SYN2: variants seen among roughly 807,000 people sequenced by gnomAD.
SYN2 encodes the protein synapsin II.
In SYN2, 19 loss-of-function variants were observed where a neutral mutation model predicts 50.9. The ratio of observed to expected loss-of-function variants is 0.37; its 90% CI spans 0.26 to 0.55. The LOEUF (loss-of-function observed/expected upper bound fraction) is 0.55, where lower values mean the gene tolerates loss of function less well. Ranked by LOEUF, SYN2 falls within the 20% of genes least tolerant of loss-of-function variation. The probability of loss-of-function intolerance (pLI) is 0.81; values close to 1 mark genes in which losing one functional copy is unlikely to be tolerated. For missense variants in SYN2, 587 were observed against 576.4 expected, an observed-to-expected ratio of 1.02 and a Z score of -0.19; for synonymous variants, 255 against 224.9, an observed-to-expected ratio of 1.13 and a Z score of -1.20.
intron 1 of SYN2, among the ~76,000 whole-genome samples, chr3:12,115,380 AC>A (rs1366954460): frequency 6.6e-6 from 1 of 152,170 alleles, no homozygotes; most frequent in African/African-American, 2.4e-5. Context: ...AGTAAAATCA[AC>A]TTTTGAGGGA....
At chr3:12,039,711 G>T (rs564283140) in intron 1 of SYN2, among the ~76,000 whole-genome samples, 1 of 152,138 alleles carries the variant, frequency 6.6e-6, no homozygotes, top group Admixed American at 6.5e-5. Flanking sequence ...TGTAGTAACA[G>T]AATTGGTCCT....
chr3:12,087,931 C>T (rs75496417), intron 1 of SYN2, among the ~76,000 whole-genome samples: 1 of 151,692 alleles, frequency 6.6e-6, no homozygotes, highest in East Asian at 1.9e-4. Context: ...AAAAAAACCC[C>T]TCAAAATGAA....
At chr3:12,039,372 ATACAAGGTCCCTCATGT>A (rs1694563373) in intron 1 of SYN2, among the ~76,000 whole-genome samples, 1 of 152,096 alleles carries the variant, frequency 6.6e-6, no homozygotes, top group African/African-American at 2.4e-5. Flanking sequence ...ACAGAGGGAA[ATACAAGGTCCCTCATGT>A]TATTTCACCA....
chr3:12,190,113 G>A (rs1263420434), intron 12 of SYN2, among the ~76,000 whole-genome samples: 1 of 152,228 alleles, frequency 6.6e-6, no homozygotes, highest in Non-Finnish European at 1.5e-5. Context: ...CTTTTCATCA[G>A]AAAAGTAATG....
chr3:12,184,214 T>C lies in SYN2; in HGVS notation c.1369+842T>C. ...TATTATTAACTAATTAACTATGAGA[T>C]TTTTAAAAAATGGGGCCGCTGATGT... On this transcript the variant is annotated intron_variant, in intron 11 of 12. Coordinates refer to ENST00000621198, the MANE Select transcript of SYN2 (RefSeq NM_133625.6). 4 of 985,896 alleles carry C rather than the reference T, an allele frequency of 4.1e-6. No individual in the cohort carries two copies. In the South Asian group the frequency reaches 1.9e-4, roughly 46 times the overall value. The allele number at this position is 985,896 out of a possible 1,614,324, so 61.1% of individuals were successfully genotyped here. A position where few individuals can be genotyped will look rare whatever the true frequency, so the allele number is the denominator to read the frequency against.
intron 1 of SYN2, among the ~76,000 whole-genome samples, chr3:12,052,496 A>T (rs1385926877): frequency 6.6e-6 from 1 of 152,216 alleles, no homozygotes; most frequent in Admixed American, 6.5e-5. Flanking sequence ...TGACTGTTAG[A>T]ATTGGGCAAG....
intron 4 of SYN2, 110 bp from the exon 5 acceptor site, chr3:12,151,127 G>C (rs7652520): frequency 0.071 from 52,676 of 746,468 alleles, 2,480 homozygotes; most frequent in African/African-American, 0.19. Flanking sequence ...ACAATGCTTA[G>C]CATAAAGTCC....
intron 1 of SYN2, among the ~76,000 whole-genome samples, chr3:12,057,464 T>C (rs1184762156): frequency 2.1e-4 from 32 of 152,158 alleles, no homozygotes; most frequent in Admixed American, 2.1e-3. Context: ...ATATAAAAAT[T>C]AGGCTACAGG....
intron 1 of SYN2, among the ~76,000 whole-genome samples, chr3:12,074,055 A>G (rs192676556): frequency 2.6e-5 from 4 of 152,276 alleles, no homozygotes; most frequent in Admixed American, 6.5e-5. Flanking sequence ...GAGTAGTTCT[A>G]TCTTCTTGCT....
At chr3:12,183,397 G>GA in intron 11 of SYN2, 25 bp downstream of exon 11, 1 of 1,613,754 alleles carries the variant, frequency 6.2e-7, no homozygotes, top group Non-Finnish European at 8.5e-7. Flanking sequence ...ATTCTCGACT[G>GA]TAATGGCATT....
At chr3:12,092,073 A>AT (rs1252238611) in intron 1 of SYN2, among the ~76,000 whole-genome samples, 1 of 151,960 alleles carries the variant, frequency 6.6e-6, no homozygotes, top group African/African-American at 2.4e-5. Context: ...AAGAAAATTC[A>AT]TTTTTTTAAA....
intron 10 of SYN2, among the ~76,000 whole-genome samples, chr3:12,181,617 G>A (rs1051750101): frequency 2.0e-5 from 3 of 152,218 alleles, no homozygotes; most frequent in African/African-American, 7.2e-5. Context: ...CAGTAAGCAC[G>A]CCATAAATGT....
At chr3:12,036,945 G>A (rs925826001) in intron 1 of SYN2, among the ~76,000 whole-genome samples, 7 of 152,146 alleles carry the variant, frequency 4.6e-5, no homozygotes, top group Non-Finnish European at 8.8e-5. Flanking sequence ...CTGCTTAGAT[G>A]TTCCTCCTAC....
At chr3:12,034,985 A>G (rs1256155139) in intron 1 of SYN2, among the ~76,000 whole-genome samples, 1 of 152,150 alleles carries the variant, frequency 6.6e-6, no homozygotes, top group Non-Finnish European at 1.5e-5. Flanking sequence ...GTTCATCCCG[A>G]GGTAAGTTTC....
chr3:12,161,992 C>G lies in SYN2; in HGVS notation c.838-20C>G. ...TGTGTGTGTCTCCCTTTCCCCCTTT[C>G]TGCCCTGCTCTAACATTAGGTCAAA... On this transcript the variant is annotated intron_variant, in intron 6 of 12. Coordinates refer to ENST00000621198, the MANE Select transcript of SYN2 (RefSeq NM_133625.6). 2 of 1,613,656 alleles carry G rather than the reference C, an allele frequency of 1.2e-6. No individual in the cohort carries two copies. The highest frequency in any genetic ancestry group is 1.7e-6 in the Non-Finnish European group (2 of 1,179,730).
intron 7 of SYN2, among the ~76,000 whole-genome samples, chr3:12,163,012 G>A (rs914152417): frequency 5.3e-5 from 8 of 151,922 alleles, no homozygotes; most frequent in African/African-American, 9.7e-5. Flanking sequence ...AGGCCGAGGC[G>A]GGCGGATCAC....
intron 1 of SYN2, among the ~76,000 whole-genome samples, chr3:12,034,776 G>A (rs148795477): frequency 5.7e-4 from 87 of 152,278 alleles, no homozygotes; most frequent in Non-Finnish European, 1.1e-3. Flanking sequence ...TTGCATTGGG[G>A]ATTAAGTTTC....
intron 1 of SYN2, among the ~76,000 whole-genome samples, chr3:12,139,329 A>G (rs577493413): frequency 7.7e-4 from 118 of 152,288 alleles, no homozygotes; most frequent in African/African-American, 2.7e-3. Context: ...TGTGAGTGGA[A>G]GAAGGAAAAT....
chr3:12,185,122 G>A, intron 11 of SYN2: 1 of 985,802 alleles, frequency 1.0e-6, no homozygotes, highest in Non-Finnish European at 1.2e-6. Flanking sequence ...GATAATGGTA[G>A]TTGATCTGTT....
Sources: gnomAD v4.1 joint callset for allele counts (sites outside exome capture counted in the v4.1 genomes callset) on GRCh38, gnomAD v4.1.1 for gene constraint, MANE v1.5 for transcripts, NCBI Gene and HGNC (gene_info 2026-07-23, HGNC 2026-07-21) for gene names.